The following OPRM1 variants were observed in gnomAD, a reference collection of about 807,000 sequenced individuals.
OPRM1 encodes the protein mu-type opioid receptor.
Under a neutral mutation model 31.8 loss-of-function variants are expected in OPRM1, and 27 were observed. The ratio of observed to expected loss-of-function variants is 0.85; its 90% confidence interval spans 0.63 to 1.17. The LOEUF (loss-of-function observed/expected upper bound fraction) is 1.17. Ranked by LOEUF, OPRM1 falls within the 50% of genes most tolerant of loss-of-function variation. The pLI is 0.00. For missense variants in OPRM1, 536 were observed against 511.1 expected, an observed-to-expected ratio of 1.05 and a Z score of -0.47; for synonymous variants, 196 against 189.9, an observed-to-expected ratio of 1.03 and a Z score of -0.26.
intron 3 of OPRM1, among the ~76,000 whole-genome samples, chr6:154,163,279 A>G (rs1361938684): frequency 1.3e-5 from 2 of 152,104 alleles, no homozygotes; most frequent in Non-Finnish European, 2.9e-5. Context: ...TCTTCCTTAA[A>G]TGCCCTAGGC....
chr6:154,243,315 A>G (rs1263023199), intron 3 of OPRM1, among the ~76,000 whole-genome samples: 2 of 152,184 alleles, frequency 1.3e-5, no homozygotes, highest in East Asian at 3.9e-4. Context: ...ACGGCTGTTA[A>G]ACTTGCATAT....
At chr6:154,113,667 T>C (rs956925369) in intron 3 of OPRM1, among the ~76,000 whole-genome samples, 3 of 152,142 alleles carry the variant, frequency 2.0e-5, no homozygotes, top group African/African-American at 4.8e-5. Flanking sequence ...CTGACTTTGA[T>C]ACACCAGGCA....
intron 1 of OPRM1, among the ~76,000 whole-genome samples, chr6:154,068,096 C>G (rs1436706673): frequency 6.6e-5 from 10 of 152,026 alleles, no homozygotes; most frequent in Non-Finnish European, 1.3e-4. Context: ...TTTACTTAAT[C>G]CCATATATCT....
upstream of OPRM1, among the ~76,000 whole-genome samples, chr6:154,035,591 T>C (rs1779256410): frequency 1.3e-5 from 2 of 152,146 alleles, no homozygotes; most frequent in African/African-American, 4.8e-5. Flanking sequence ...TAATAGCCAT[T>C]AATCATGTGT....
At chr6:154,159,851 GAGA>G (rs1423484316) in intron 3 of OPRM1, 8 of 1,611,326 alleles carry the variant, frequency 5.0e-6, no homozygotes, top group East Asian at 2.2e-5. Flanking sequence ...TCAACAGAGG[GAGA>G]AGAAGGTGAT....
intron 3 of OPRM1, among the ~76,000 whole-genome samples, chr6:154,196,511 G>C (rs577193548): frequency 6.6e-6 from 1 of 151,968 alleles, no homozygotes; most frequent in Non-Finnish European, 1.5e-5. Context: ...TTGGGTATTC[G>C]TCTTATTTGC....
intron 1 of OPRM1, among the ~76,000 whole-genome samples, chr6:154,049,383 A>G (rs564084428): frequency 5.3e-5 from 8 of 152,360 alleles, no homozygotes; most frequent in African/African-American, 1.9e-4. Context: ...AGAAGACAGC[A>G]GAGCATTGCC....
chr6:154,185,675 G>T (rs906158087), intron 3 of OPRM1, among the ~76,000 whole-genome samples: 7 of 152,090 alleles, frequency 4.6e-5, no homozygotes, highest in African/African-American at 2.4e-5. Flanking sequence ...TAATCCGGGG[G>T]TGTCCAATCT....
intron 1 of OPRM1, among the ~76,000 whole-genome samples, chr6:154,045,129 G>A (rs991566625): frequency 6.6e-6 from 1 of 151,990 alleles, no homozygotes; most frequent in Non-Finnish European, 1.5e-5. Context: ...GGGAGGCTGA[G>A]GCACAAGAAT....
At chr6:154,061,595 C>A (rs2128436655) in intron 1 of OPRM1, among the ~76,000 whole-genome samples, 1 of 152,188 alleles carries the variant, frequency 6.6e-6, no homozygotes, top group South Asian at 2.1e-4. Context: ...CACATGTTCT[C>A]ACTTATAAGT....
chr6:154,153,044 T>C (rs1400624581), intron 3 of OPRM1, among the ~76,000 whole-genome samples: 1 of 152,166 alleles, frequency 6.6e-6, no homozygotes, highest in Non-Finnish European at 1.5e-5. Flanking sequence ...CAGCACTTGA[T>C]TTCTTAAAAG....
chr6:154,134,918 T>C (rs536378091), downstream of OPRM1, among the ~76,000 whole-genome samples: 471 of 152,278 alleles, frequency 3.1e-3, 12 homozygotes, highest in Non-Finnish European at 4.3e-4. Context: ...AACTATCTAT[T>C]TAAATTAGGT....
chr6:154,246,774 A>C (rs745932303), exon 4 of OPRM1: 2 of 1,613,140 alleles, frequency 1.2e-6, no homozygotes, highest in Non-Finnish European at 1.7e-6. Flanking sequence ...CAATGATTAC[A>C]TGAAGAGGTA....
In OPRM1 at chr6:154,101,849, T is replaced by C. The variant is rs187187397; in HGVS notation, c.1164+10377T>C. Among the ~76,000 whole-genome samples the C allele has an allele frequency of 2.7e-3, 404 of 152,338 alleles. 7 individuals carry two copies. The South Asian group carries it at 0.04, about 15-fold the overall frequency. On this transcript the variant is annotated intron_variant, in intron 3 of 3. Transcript: ENST00000330432. ...ATAATTGTATTTTTACATAAACATA[T>C]GTAAATTTAATTTTAAAATTTTCAT...
chr6:154,204,917 T>C (rs575684509), intron 3 of OPRM1, among the ~76,000 whole-genome samples: 2 of 152,222 alleles, frequency 1.3e-5, no homozygotes, highest in South Asian at 4.1e-4. Context: ...CCTCCCTCCT[T>C]CTCCACTCCT....
chr6:154,051,737 A>C (rs1782238531), intron 1 of OPRM1, among the ~76,000 whole-genome samples: 1 of 152,212 alleles, frequency 6.6e-6, no homozygotes, highest in Non-Finnish European at 1.5e-5. Flanking sequence ...TGGGAATGCA[A>C]ATTAGTTCAA....
chr6:154,047,317 G>T (rs1041732215), intron 1 of OPRM1, among the ~76,000 whole-genome samples: 7 of 152,068 alleles, frequency 4.6e-5, no homozygotes, highest in Non-Finnish European at 1.0e-4. Context: ...CTGAGGGCCT[G>T]GGTGCAAGAT....
At chr6:154,055,441 A>G (rs993322780) in intron 1 of OPRM1, among the ~76,000 whole-genome samples, 2 of 152,066 alleles carry the variant, frequency 1.3e-5, no homozygotes, top group Admixed American at 1.3e-4. Flanking sequence ...GAGTTTTATT[A>G]GCTCCTAATT....
At chr6:154,133,427 T>C (rs1325735279), downstream of OPRM1, among the ~76,000 whole-genome samples, 1 of 152,246 alleles carries the variant, frequency 6.6e-6, no homozygotes, top group African/African-American at 2.4e-5. Flanking sequence ...TATTCACCCA[T>C]TCTGCTATCA....
Sources: allele counts gnomAD v4.1 joint callset (sites outside exome capture counted in the v4.1 genomes callset), GRCh38; gene constraint gnomAD v4.1.1; transcripts MANE v1.5; gene names NCBI Gene and HGNC (gene_info 2026-07-23, HGNC 2026-07-21).